Variants in MMP26 observed in about 807,000 individuals in gnomAD.
The protein encoded by MMP26 is matrix metalloproteinase-26.
Under a neutral mutation model 31.0 loss-of-function variants are expected in MMP26, and 33 were observed. The ratio of observed to expected loss-of-function variants is 1.06; its 90% confidence interval spans 0.81 to 1.42. The LOEUF (loss-of-function observed/expected upper bound fraction) is 1.42. MMP26 is among the 40% of genes most tolerant of loss of function. The pLI, the probability that MMP26 is intolerant of heterozygous loss-of-function variation, is 0.00. For missense variants in MMP26, 347 were observed against 316.1 expected, an observed-to-expected ratio of 1.10 and a Z score of -0.74; for synonymous variants, 122 against 114.9, an observed-to-expected ratio of 1.06 and a Z score of -0.40.
intron 2 of MMP26, among the ~76,000 whole-genome samples, chr11:4,819,565 G>GTTTTTTTT (rs1491575423): frequency 1.2e-5 from 1 of 83,724 alleles, no homozygotes; most frequent in Non-Finnish European, 2.2e-5. Context: ...TGAGTCGACT[G>GTTTTTTTT]ATTTTTTTTT....
intron 2 of MMP26, among the ~76,000 whole-genome samples, chr11:4,985,217 A>G (rs1846868867): frequency 6.6e-6 from 1 of 152,158 alleles, no homozygotes; most frequent in Non-Finnish European, 1.5e-5. Context: ...TATCATTTCC[A>G]TGGAAAGAGT....
chr11:4,801,324 T>C (rs1206246154), intron 2 of MMP26, among the ~76,000 whole-genome samples: 3 of 152,088 alleles, frequency 2.0e-5, no homozygotes. Flanking sequence ...GGCTGGGTTA[T>C]TTATAAAGAA....
At chr11:4,758,109 C>G (rs987052178) in intron 1 of MMP26, among the ~76,000 whole-genome samples, 3 of 152,096 alleles carry the variant, frequency 2.0e-5, no homozygotes, top group African/African-American at 7.2e-5. Context: ...TCCAAATATC[C>G]ATCAGTTGAT....
intron 1 of MMP26, among the ~76,000 whole-genome samples, chr11:4,741,289 A>T (rs1848307706): frequency 6.8e-6 from 1 of 147,808 alleles, no homozygotes; most frequent in Admixed American, 6.7e-5. Flanking sequence ...TGACCCAGCA[A>T]TCCCATGACT....
At chr11:4,729,880 C>T (rs943274660) in intron 1 of MMP26, among the ~76,000 whole-genome samples, 1 of 151,810 alleles carries the variant, frequency 6.6e-6, no homozygotes, top group Non-Finnish European at 1.5e-5. Context: ...TGATGACCTA[C>T]GTGATGCATC....
intron 1 of MMP26, chr11:4,723,284 G>A: frequency 9.6e-7 from 1 of 1,040,816 alleles, no homozygotes; most frequent in Non-Finnish European, 1.5e-6. Context: ...CTTGTGCGCT[G>A]CGGGTCATCC....
chr11:4,783,640 A>T (rs570373568), intron 2 of MMP26, among the ~76,000 whole-genome samples: 21 of 152,234 alleles, frequency 1.4e-4, no homozygotes, highest in Admixed American at 6.5e-4. Flanking sequence ...GGGTGGAATG[A>T]TGTGGTTTGG....
intron 2 of MMP26, among the ~76,000 whole-genome samples, chr11:4,910,509 TC>T (rs1850974695): frequency 6.6e-6 from 1 of 152,104 alleles, no homozygotes; most frequent in Non-Finnish European, 1.5e-5. Flanking sequence ...CTTCTCTTTA[TC>T]TATTTATTTC....
chr11:4,983,658 G>T (rs1846846258), intron 2 of MMP26, among the ~76,000 whole-genome samples: 2 of 152,140 alleles, frequency 1.3e-5, no homozygotes, highest in African/African-American at 4.8e-5. Context: ...AGAGATAGGG[G>T]CCTGTTTCCA....
chr11:4,796,622 G>A (rs143072417), intron 2 of MMP26, among the ~76,000 whole-genome samples: 3 of 152,282 alleles, frequency 2.0e-5, no homozygotes, highest in South Asian at 2.1e-4. Flanking sequence ...TGTGTTGGGA[G>A]GTAGACAGGT....
intron 2 of MMP26, among the ~76,000 whole-genome samples, chr11:4,840,119 G>T (rs1015397476): frequency 6.6e-6 from 1 of 152,114 alleles, no homozygotes; most frequent in Non-Finnish European, 1.5e-5. Flanking sequence ...GAGTGGGAAG[G>T]TCTGTATCTT....
At chr11:4,737,993 G>C (rs866014513) in intron 1 of MMP26, among the ~76,000 whole-genome samples, 1 of 152,030 alleles carries the variant, frequency 6.6e-6, no homozygotes, top group Non-Finnish European at 1.5e-5. Context: ...TTTTTCGTTT[G>C]TTTGCTTTTT....
At chr11:4,829,378 G>A (rs555903647) in intron 2 of MMP26, among the ~76,000 whole-genome samples, 7 of 152,138 alleles carry the variant, frequency 4.6e-5, no homozygotes, top group East Asian at 1.9e-4. Context: ...CATCATTGTC[G>A]GCTATCTAAG....
intron 1 of MMP26, among the ~76,000 whole-genome samples, chr11:4,717,301 C>A (rs966755408): frequency 6.6e-6 from 1 of 152,066 alleles, no homozygotes; most frequent in Non-Finnish European, 1.5e-5. Flanking sequence ...GTCTGGATTG[C>A]GGCTTGCACT....
At position 4,854,340 on chromosome 11, in the gene MMP26, A is replaced by T. The variant is rs113233716; in HGVS notation, c.-145+86999A>T. Reference sequence around the variant, plus strand: ...AAGGGAAGCTGTGACAGATGGTACCAGGAAAATCGGGACACTCCTACCCTA... The same window carrying T: ...AAGGGAAGCTGTGACAGATGGTACCTGGAAAATCGGGACACTCCTACCCTA... On this transcript the variant is annotated intron_variant, in intron 2 of 7. Coordinates refer to ENST00000380390, the MANE Select transcript of MMP26 (RefSeq NM_021801.5). Among the ~76,000 whole-genome samples the T allele has an allele frequency of 1.4e-3, 217 of 152,322 alleles. 2 individuals are homozygous for T. The highest frequency in any genetic ancestry group is 4.9e-3 in the African/African-American group (205 of 41,576).
chr11:4,770,224 T>C (rs1848698481), intron 2 of MMP26, among the ~76,000 whole-genome samples: 1 of 152,208 alleles, frequency 6.6e-6, no homozygotes, highest in Non-Finnish European at 1.5e-5. Context: ...TGCATCATAT[T>C]GTAAGATTAT....
intron 2 of MMP26, among the ~76,000 whole-genome samples, chr11:4,775,481 G>A (rs904433631): frequency 6.6e-6 from 1 of 151,940 alleles, no homozygotes; most frequent in Non-Finnish European, 1.5e-5. Flanking sequence ...TGATTTGACT[G>A]CTCAATGATA....
At chr11:4,873,821 C>A (rs548868853) in intron 2 of MMP26, among the ~76,000 whole-genome samples, 2 of 151,892 alleles carry the variant, frequency 1.3e-5, no homozygotes, top group African/African-American at 4.8e-5. Flanking sequence ...TTTAAAGAAG[C>A]GAGGAATTAA....
chr11:4,789,792 A>G (rs921665423), intron 2 of MMP26, among the ~76,000 whole-genome samples: 72 of 151,640 alleles, frequency 4.7e-4, no homozygotes, highest in Non-Finnish European at 9.1e-4. Flanking sequence ...TGCCCGCCCC[A>G]GCCTCCTAAA....
Sources: allele counts gnomAD v4.1 joint callset (sites outside exome capture counted in the v4.1 genomes callset), GRCh38; gene constraint gnomAD v4.1.1; transcripts MANE v1.5; gene names NCBI Gene and HGNC (gene_info 2026-07-23, HGNC 2026-07-21).